Variants in TTN observed in about 807,000 individuals in gnomAD.
TTN encodes the protein titin, also known as connectin.
A neutral mutation model predicts 3,223.0 loss-of-function variants in TTN; 1,525 were observed. That is an observed-to-expected ratio of 0.47 (90% CI 0.45 to 0.49). The LOEUF (loss-of-function observed/expected upper bound fraction) is 0.49, where lower values mean the gene tolerates loss of function less well. Among genes scored for constraint, TTN ranks in the 20% least tolerant of loss-of-function variants. TTN has a pLI of 0.00. For synonymous variants in TTN, 14,094 were observed against 15,161.0 expected, an observed-to-expected ratio of 0.93 and a Z score of 5.17; for missense variants, 40,786 against 43,424.0, an observed-to-expected ratio of 0.94 and a Z score of 5.40.
At chr2:178,686,099 T>C (rs1431988220) in intron 127 of TTN, among the ~76,000 whole-genome samples, 1 of 148,178 alleles carries the variant, frequency 6.7e-6, no homozygotes, top group African/African-American at 2.5e-5. Context: ...TGAGCCTAAG[T>C]GTATACAGTT....
intron 102 of TTN, among the ~76,000 whole-genome samples, chr2:178,706,085 A>C (rs1414932712): frequency 6.6e-6 from 1 of 152,170 alleles, no homozygotes; most frequent in Non-Finnish European, 1.5e-5. Context: ...TAACAATCTG[A>C]ATCTTGAGAT....
chr2:178,574,859 G>T lies in TTN; in HGVS notation c.71273C>A (p.Pro23758Gln), dbSNP rs374970767. 1.9e-6 allele frequency: 3 copies of T among 1,612,768 alleles called. No homozygotes were observed. In the African/African-American group the frequency reaches 4.0e-5, roughly 22 times the overall value. Residue 23758 changes from proline to glutamine, a missense_variant, in exon 326 of 363, where the codon CCA (proline) becomes CAA (glutamine). By Grantham distance (76) the Pro-to-Gln change is moderately conservative (BLOSUM62 -1). Transcript: ENST00000589042. Reference protein sequence around the residue: ...WDPPENDGGVPISNYVVEMRQ... With the variant: ...WDPPENDGGVQISNYVVEMRQ... ...CATTTCCACTACATAGTTGCTTATT[G>T]GTACACCACCATCGTTCTCAGGTGG...
intron 336 of TTN, chr2:178,550,589 G>T: frequency 2.5e-6 from 1 of 405,442 alleles, no homozygotes; most frequent in South Asian, 3.3e-5. Flanking sequence ...CTTTTAAGAG[G>T]CCATCAGCTG....
chr2:178,766,448 C>T lies in TTN; in HGVS notation c.9636G>A (p.Gln3212=). 6.2e-7 allele frequency: 1 copy of T among 1,614,194 alleles called. No individual in the cohort carries two copies. Among genetic ancestry groups the T allele is most frequent in the Non-Finnish European group, 8.5e-7 (1 of 1,180,016 alleles). Residue 3212 remains glutamine, a synonymous_variant, in exon 41 of 363, where the codon CAG becomes CAA. Transcript: ENST00000589042. ...IHRMFISETR[Q]SDAGEYTFVA... is the part of the protein sequence containing the mutation. ...CAAAGGTGTATTCTCCTGCATCGCT[C>T]TGTCTGGTCTCAGAGATAAACATTC...
Position 178,802,316 on chromosome 2 carries a change from C to T in TTN, c.117G>A (p.Trp39Ter). 2 of 1,614,126 alleles carry T rather than the reference C, an allele frequency of 1.2e-6. No individual in the cohort carries two copies. The highest frequency in any genetic ancestry group is 1.1e-5 in the South Asian group (1 of 91,072). ...TGGAAATCACCTGGCCATCCCTAAA[C>T]CAGCTCACCTCAGGAACTGGAAAAC... ...ISGFPVPEVS[W>*]FRDGQVISTS... Residue 39 changes from tryptophan (W) to a stop codon, truncating the protein, a stop_gained, in exon 3 of 363, where the codon TGG becomes TGA. Coordinates refer to ENST00000589042, the MANE Select transcript of TTN (RefSeq NM_001267550.2). LOFTEE classifies it high-confidence loss of function.
intron 47 of TTN, chr2:178,745,876 C>T (rs368852793): frequency 1.2e-6 from 2 of 1,611,854 alleles, no homozygotes; most frequent in Non-Finnish European, 1.7e-6. Flanking sequence ...CTTCCACCAC[C>T]TGAAATTCAA....
In TTN at chr2:178,607,536, C is replaced by A. The variant is rs757223139; in HGVS notation, c.53152G>T (p.Val17718Phe). The A allele has an allele frequency of 6.2e-7, 1 of 1,613,248 alleles. No homozygotes were observed. Among genetic ancestry groups the A allele is most frequent in the East Asian group, 2.2e-5 (1 of 44,810 alleles). ...TTGGTTCCAACGTTGTCTATTACAA[C>A]ACGGTCTTTATCCAGCTCCCCTTCT... Reference protein sequence around the residue: ...KEEGELDKDRVVIDNVGTKSE... With the variant: ...KEEGELDKDRFVIDNVGTKSE... The change falls in exon 277 of 363, where the codon GTT becomes TTT. Residue 17718 changes from valine (V) to phenylalanine (F), a missense_variant. Coordinates refer to ENST00000589042, the MANE Select transcript of TTN (RefSeq NM_001267550.2).
At position 178,725,996 on chromosome 2, in the gene TTN, C is replaced by T. The variant is rs886055295; in HGVS notation, c.20326G>A (p.Ala6776Thr). 4.4e-6 allele frequency: 7 copies of T among 1,599,108 alleles called. No homozygotes were observed. Among genetic ancestry groups the T allele is most frequent in the Non-Finnish European group, 4.3e-6 (5 of 1,171,700 alleles). ...AGTTCACATTCAAGACTGACTTCAG[C>T]ATTTTTAAGGGTTTCTACTATAGGA... ...FPPIVETLKN[A>T]EVSLECELSG... The change falls in exon 70 of 363, where the codon GCT becomes ACT. Residue 6776 changes from alanine (A) to threonine (T), a missense_variant. Ala to Thr is a moderately conservative substitution (Grantham distance 58). Coordinates refer to ENST00000589042, the MANE Select transcript of TTN (RefSeq NM_001267550.2).
Position 178,590,133 on chromosome 2 carries a change from C to A in TTN, c.61592G>T (p.Arg20531Leu), listed in dbSNP as rs370887455. The change falls in exon 304 of 363, where the codon CGT (arginine) becomes CTT (leucine). Residue 20531 changes from arginine (R) to leucine (L), a missense_variant. By Grantham distance (102) the Arg-to-Leu change is moderately radical. Coordinates refer to ENST00000589042, the MANE Select transcript of TTN (RefSeq NM_001267550.2). The stretch of plus-strand genomic sequence containing the variant: ...AGCTTCTTTAATTTGTAACTCAACA[C>A]GAGGTAGATCCTGAATAAGGTCCAC... ...KRVDLIQDLPRVELQIKEAVR... is the reference protein window; with the variant it reads ...KRVDLIQDLPLVELQIKEAVR... The A allele has an allele frequency of 2.5e-6, 4 of 1,613,112 alleles. No homozygotes were observed. In the South Asian group the frequency reaches 4.4e-5, roughly 18 times the overall value.
In TTN at chr2:178,717,320, T is replaced by G; in HGVS notation, c.25414A>C (p.Ser8472Arg). 1 of 1,613,610 alleles carries G rather than the reference T, an allele frequency of 6.2e-7. No individual in the cohort carries two copies. The highest frequency in any genetic ancestry group is 2.2e-5 in the East Asian group (1 of 44,878). Residue 8472 changes from serine to arginine, a missense_variant, in exon 88 of 363, where the codon AGT becomes CGT. Physicochemically the swap from Ser to Arg is moderately radical, Grantham distance 110. Transcript: ENST00000589042. ...PVSVDLALGE[S>R]GTFKCHVTGT... ...GTTACATGACATTTAAAAGTACCACTTTCTCCAAGAGCAAGATCTACTGAT... is the reference window on the plus strand; with the variant it reads ...GTTACATGACATTTAAAAGTACCACGTTCTCCAAGAGCAAGATCTACTGAT...
rs371518764 is a variant in TTN at position 178,725,857 on chromosome 2, T to C, written c.20465A>G (p.Asn6822Ser). 6.6e-5 allele frequency: 107 copies of C among 1,613,238 alleles called. No individual in the cohort carries two copies. The highest frequency in any genetic ancestry group is 8.1e-5 in the Non-Finnish European group (95 of 1,179,516). The change falls in exon 70 of 363, where the codon AAT becomes AGT. Residue 6822 changes from asparagine (N) to serine (S), a missense_variant. Asn to Ser is a conservative substitution (Grantham distance 46). Transcript: ENST00000589042. ...KNFHTSIHIL[N>S]VDTSDIGEYH... The stretch of plus-strand genomic sequence containing the variant: ...TTCACCGATGTCTGAAGTGTCCACA[T>C]TGAGAATGTGAATACTTGTGTGGAA...
intron 161 of TTN, 58 bp downstream of exon 161, chr2:178,667,384 A>G: frequency 1.3e-6 from 2 of 1,572,312 alleles, no homozygotes; most frequent in South Asian, 2.3e-5. Context: ...AAAAGCATGC[A>G]ATGTTTGAGT....
Position 178,616,545 on chromosome 2 carries a change from A to T in TTN, c.48246T>A (p.Asp16082Glu). ...VHLTWEPPDDDGGSPLTGYVV... is the reference protein window; with the variant it reads ...VHLTWEPPDDEGGSPLTGYVV... The stretch of plus-strand genomic sequence containing the variant: ...CGTATCCAGTTAACGGACTTCCTCC[A>T]TCATCATCAGGTGGTTCCCAAGTCA... The change falls in exon 257 of 363, where the codon GAT becomes GAA. Residue 16082 changes from aspartate (D) to glutamate (E), a missense_variant. Transcript: ENST00000589042. 1 of 1,612,452 alleles carries T rather than the reference A, an allele frequency of 6.2e-7. No individual in the cohort carries two copies. The highest frequency in any genetic ancestry group is 8.5e-7 in the Non-Finnish European group (1 of 1,178,986).
intron 257 of TTN, 125 bp from the exon 258 acceptor site, chr2:178,615,913 T>A (rs2057249990): frequency 1.2e-5 from 13 of 1,097,314 alleles, no homozygotes; most frequent in Non-Finnish European, 1.6e-5. Flanking sequence ...ATTCTTACAT[T>A]AATTTCATAT....
rs530565331 is a variant in TTN at position 178,635,344 on chromosome 2, A to T, written c.41885-40T>A. The T allele has an allele frequency of 8.5e-5, 137 of 1,609,552 alleles. 3 individuals are homozygous for T. In the South Asian group the frequency reaches 1.4e-3, roughly 16 times the overall value. On this transcript the variant is annotated intron_variant, in intron 227 of 362. Transcript: ENST00000589042. ...GATGAAGTAACATAATGCTTTAGAC[A>T]ACCCAACGATGCTTTGCTTTTATGT...
In TTN at chr2:178,567,628, T is replaced by G. The variant is rs1185661073; in HGVS notation, c.78504A>C (p.Ala26168=). 3 of 1,612,182 alleles carry G rather than the reference T, an allele frequency of 1.9e-6. No individual in the cohort carries two copies. The highest frequency in any genetic ancestry group is 2.5e-6 in the Non-Finnish European group (3 of 1,178,814). ...CAGAGGGTTTACTTATTGCACCAGC[T>G]GCATTCTTTGCAATGACTCTGAATT... ...RYEFRVIAKN[A]AGAISKPSDS... Residue 26168 remains alanine, a synonymous_variant, in exon 326 of 363, where the codon GCA becomes GCC. Coordinates refer to ENST00000589042, the MANE Select transcript of TTN (RefSeq NM_001267550.2).
rs777633696 is a variant in TTN, at chr2:178,540,213, G to A, written c.97953C>T (p.Asn32651=). ...KVDQHEWTKC[N]TTPTKIREYT... Reference sequence around the variant, plus strand: ...ACTCTCGAATCTTGGTTGGAGTGGTGTTACACTTGGTCCATTCATGTTGAT... The same window carrying A: ...ACTCTCGAATCTTGGTTGGAGTGGTATTACACTTGGTCCATTCATGTTGAT... The change falls in exon 351 of 363, where the codon AAC becomes AAT. Residue 32651 remains asparagine (N), a synonymous_variant. Transcript: ENST00000589042. The A allele has an allele frequency of 1.9e-6, 3 of 1,613,646 alleles. No homozygotes were observed. The highest frequency in any genetic ancestry group is 2.5e-6 in the Non-Finnish European group (3 of 1,179,754).
chr2:178,801,772 G>C (rs777248416), intron 3 of TTN, among the ~76,000 whole-genome samples: 2 of 152,164 alleles, frequency 1.3e-5, no homozygotes, highest in African/African-American at 2.4e-5. Flanking sequence ...TTGTTAAAGT[G>C]TGAATTCCTG....
Position 178,675,034 on chromosome 2 carries a change from T to C in TTN, c.34612+5A>G, listed in dbSNP as rs1404844875. 11 of 1,504,766 alleles carry C rather than the reference T, an allele frequency of 7.3e-6. No homozygotes were observed. Among genetic ancestry groups the C allele is most frequent in the Non-Finnish European group, 8.0e-6 (9 of 1,130,022 alleles). The allele number at this position is 1,504,766 out of a possible 1,614,324, so 93.2% of individuals were successfully genotyped here. On this transcript the variant is annotated splice_donor_5th_base_variant and intron_variant, in intron 150 of 362. Transcript: ENST00000589042. The stretch of plus-strand genomic sequence containing the variant: ...GAAATGTTATTTTCTTAGAAAGTTA[T>C]CTACCTTCAACTGGTAGAACTTCCT...
Sources: allele counts gnomAD v4.1 joint callset (sites outside exome capture counted in the v4.1 genomes callset), GRCh38; gene constraint gnomAD v4.1.1; transcripts MANE v1.5; gene names NCBI Gene and HGNC (gene_info 2026-07-23, HGNC 2026-07-21).